TFR2: variants seen among roughly 807,000 people sequenced by gnomAD.
TFR2 encodes transferrin receptor protein 2.
A neutral mutation model predicts 91.9 loss-of-function variants in TFR2; 64 were observed. The ratio of observed to expected loss-of-function variants is 0.70; its 90% CI spans 0.57 to 0.86. TFR2 has a LOEUF of 0.86. TFR2 is among the 40% of genes least tolerant of loss of function. TFR2 has a pLI of 0.00. For missense variants in TFR2, 950 were observed against 1,080.5 expected (o/e 0.88, Z 1.69); for synonymous variants, 454 against 459.6 (o/e 0.99, Z 0.15).
intron 16 of TFR2, 100 bp downstream of exon 16, chr7:100,627,164 G>A: frequency 7.2e-7 from 1 of 1,379,786 alleles, no homozygotes; most frequent in Non-Finnish European, 1.0e-6. Context: ...TGCCAGAGAG[G>A]ACCTAGACCC....
intron 17 of TFR2, chr7:100,626,419 T>C: frequency 8.7e-7 from 1 of 1,147,048 alleles, no homozygotes; most frequent in Non-Finnish European, 1.1e-6. Flanking sequence ...TGGACATGCT[T>C]TTTCTTTCCA....
intron 17 of TFR2, among the ~76,000 whole-genome samples, chr7:100,623,595 T>G (rs11770389): frequency 0.16 from 24,755 of 151,844 alleles, 2,236 homozygotes; most frequent in Non-Finnish European, 0.2. Context: ...TTGGGCAATG[T>G]ATGGAAACCC....
In TFR2 at chr7:100,632,072, C is replaced by G; in HGVS notation, c.966+10G>C. 1 of 1,614,098 alleles carries G rather than the reference C, an allele frequency of 6.2e-7. No individual in the cohort carries two copies. The highest frequency in any genetic ancestry group is 2.2e-5 in the East Asian group (1 of 44,876). On this transcript the variant is annotated intron_variant, in intron 7 of 17. Transcript: ENST00000223051. ...CCTGGGAACAGCACGACCAGCCTCCCCAGACTCACATGTCCATACACTGCC... is the reference window on the plus strand; with the variant it reads ...CCTGGGAACAGCACGACCAGCCTCCGCAGACTCACATGTCCATACACTGCC...
intron 6 of TFR2, 101 bp from the exon 7 acceptor site, chr7:100,632,299 A>C: frequency 9.1e-7 from 1 of 1,098,688 alleles, no homozygotes; most frequent in Non-Finnish European, 1.4e-6. Flanking sequence ...GCAACTGTCC[A>C]TCCCACGGAG....
chr7:100,631,508 T>G, intron 8 of TFR2: 2 of 361,496 alleles, frequency 5.5e-6, no homozygotes, highest in East Asian at 7.7e-5. Flanking sequence ...CCTGTAATCC[T>G]AGATACTCTG....
intron 17 of TFR2, among the ~76,000 whole-genome samples, chr7:100,623,717 A>G (rs1713218397): frequency 6.6e-6 from 1 of 151,832 alleles, no homozygotes; most frequent in African/African-American, 2.4e-5. Flanking sequence ...CAGGAGTTCA[A>G]TACCAGTCTG....
At chr7:100,639,249 C>T (rs1009167392) in intron 3 of TFR2, among the ~76,000 whole-genome samples, 2 of 152,172 alleles carry the variant, frequency 1.3e-5, no homozygotes, top group African/African-American at 4.8e-5. Context: ...CACCTGTAAT[C>T]CCAGCTACTC....
intron 3 of TFR2, among the ~76,000 whole-genome samples, chr7:100,636,336 C>CAGTT (rs1484560493): frequency 1.3e-5 from 2 of 151,958 alleles, no homozygotes; most frequent in Non-Finnish European, 2.9e-5. Flanking sequence ...CCATCACACC[C>CAGTT]AGTTAATTTT....
intron 10 of TFR2, 33 bp from the exon 11 acceptor site, chr7:100,628,339 C>T: frequency 6.2e-7 from 1 of 1,608,440 alleles, no homozygotes; most frequent in Non-Finnish European, 8.5e-7. Context: ...ACAGGCTTAG[C>T]AGGGGCCAAG....
chr7:100,635,144 C>T (rs571162758), intron 3 of TFR2, among the ~76,000 whole-genome samples: 6 of 151,804 alleles, frequency 4.0e-5, no homozygotes, highest in East Asian at 3.9e-4. Context: ...TTCGGCATGT[C>T]GGCTAGGCTG....
chr7:100,628,021 A>T, intron 12 of TFR2, 47 bp from the exon 13 acceptor site: 1 of 1,614,102 alleles, frequency 6.2e-7, no homozygotes, highest in African/African-American at 1.3e-5. Flanking sequence ...GCTCAGCCCC[A>T]GAGGCAAGGG....
Position 100,641,473 on chromosome 7 carries a change from T to A in TFR2, c.33+4A>T. 6.2e-7 allele frequency: 1 copy of A among 1,613,812 alleles called. No homozygotes were observed. Among genetic ancestry groups the A allele is most frequent in the African/African-American group, 1.3e-5 (1 of 74,984 alleles). On this transcript the variant is annotated splice_donor_region_variant and intron_variant, in intron 1 of 17. Transcript: ENST00000223051. ...AGGGGTCTTCCCAATCCCACTAGTCTTACCGCTCTCTGGAATAGACCCCAA... is the reference window on the plus strand; with the variant it reads ...AGGGGTCTTCCCAATCCCACTAGTCATACCGCTCTCTGGAATAGACCCCAA...
At chr7:100,621,187 G>C in intron 17 of TFR2, 61 bp from the exon 18 acceptor site, 2 of 1,431,768 alleles carry the variant, frequency 1.4e-6, no homozygotes, top group South Asian at 3.1e-5. Context: ...AAAGGCCCGA[G>C]TCACCCTTCC....
rs141101651 is a variant in TFR2 at position 100,630,910 on chromosome 7, T to C, written c.1249A>G (p.Ile417Val). 9.5e-5 allele frequency: 154 copies of C among 1,613,098 alleles called. No individual in the cohort carries two copies. The East Asian group carries it at 2.6e-3, about 27-fold the overall frequency. ...STPINNIFGCIEGRSEPDHYV... is the reference protein window; with the variant it reads ...STPINNIFGCVEGRSEPDHYV... Reference sequence around the variant, plus strand: ...ATACCTGGCTCTGAGCGGCCTTCGATGCAGCCGAAGATGTTGTTGATGGGG... The same window carrying C: ...ATACCTGGCTCTGAGCGGCCTTCGACGCAGCCGAAGATGTTGTTGATGGGG... The change falls in exon 9 of 18, where the codon ATC becomes GTC. Residue 417 changes from isoleucine to valine, a missense_variant. Transcript: ENST00000223051.
In TFR2 at chr7:100,630,908, G is replaced by C. The variant is rs747076627; in HGVS notation, c.1251C>G (p.Ile417Met). Residue 417 changes from isoleucine to methionine, a missense_variant, in exon 9 of 18, where the codon ATC (isoleucine) becomes ATG (methionine). By Grantham distance (10) the Ile-to-Met change is conservative. Coordinates refer to ENST00000223051, the MANE Select transcript of TFR2 (RefSeq NM_003227.4). The part of the protein sequence containing the change: ...STPINNIFGC[I>M]EGRSEPDHYV... Reference sequence around the variant, plus strand: ...GCATACCTGGCTCTGAGCGGCCTTCGATGCAGCCGAAGATGTTGTTGATGG... The same window carrying C: ...GCATACCTGGCTCTGAGCGGCCTTCCATGCAGCCGAAGATGTTGTTGATGG... The C allele has an allele frequency of 1.2e-6, 2 of 1,612,894 alleles. No individual in the cohort carries two copies. Among genetic ancestry groups the C allele is most frequent in the South Asian group, 1.1e-5 (1 of 91,026 alleles).
intron 7 of TFR2, 22 bp from the exon 8 acceptor site, chr7:100,631,967 C>G (rs200942268): frequency 1.9e-6 from 3 of 1,614,026 alleles, no homozygotes; most frequent in Non-Finnish European, 2.5e-6. Context: ...GGGGTGCCCA[C>G]GCAAAGCTGC....
In TFR2 at chr7:100,627,734, C is replaced by G. The variant is rs751258355; in HGVS notation, c.1682+10G>C. The G allele has an allele frequency of 3.1e-6, 5 of 1,613,880 alleles. No individual in the cohort carries two copies. Among genetic ancestry groups the G allele is most frequent in the African/African-American group, 2.7e-5 (2 of 74,874 alleles). ...ATCCCTCCCCAGCTCTCCCTACCCC[C>G]CCAACTTACACCTCAGCATCCCAGC... On this transcript the variant is annotated intron_variant, in intron 14 of 17. Transcript: ENST00000223051.
At position 100,620,846 on chromosome 7, in the gene TFR2, T is replaced by G; in HGVS notation, c.*11A>C. The G allele has an allele frequency of 6.2e-7, 1 of 1,613,812 alleles. No homozygotes were observed. Among genetic ancestry groups the G allele is most frequent in the Non-Finnish European group, 8.5e-7 (1 of 1,179,772 alleles). On this transcript the variant is annotated 3_prime_UTR_variant, in exon 18 of 18. Transcript: ENST00000223051. ...TGACTGGGGGACGGGGATGTGAGGA[T>G]CCCCAGGGCCTCAGAAGTTGTTATC... is the stretch of plus-strand genomic sequence containing the variant.
At chr7:100,636,932 C>T (rs1168756258) in intron 3 of TFR2, among the ~76,000 whole-genome samples, 2 of 152,206 alleles carry the variant, frequency 1.3e-5, no homozygotes, top group Non-Finnish European at 2.9e-5. Context: ...CCTGCTCAGC[C>T]TGTACCCAGA....
Sources: allele counts gnomAD v4.1 joint callset (sites outside exome capture counted in the v4.1 genomes callset), GRCh38; gene constraint gnomAD v4.1.1; transcripts MANE v1.5; gene names NCBI Gene and HGNC (gene_info 2026-07-23, HGNC 2026-07-21).